Variants in MYLK4 observed in about 807,000 individuals in gnomAD.
MYLK4 encodes the protein myosin light chain kinase family member 4.
MYLK4 carries 46 observed loss-of-function variants against 48.1 expected under a neutral mutation model. The observed-to-expected ratio is 0.96, with a 90% CI of 0.75 to 1.22. The LOEUF is 1.22. Ranked by LOEUF, MYLK4 falls within the 50% of genes most tolerant of loss-of-function variation. The pLI, the probability that MYLK4 is intolerant of heterozygous loss-of-function variation, is 0.00. For synonymous variants in MYLK4, 170 were observed against 180.8 expected, an observed-to-expected ratio of 0.94 and a Z score of 0.48; for missense variants, 451 against 486.1, an observed-to-expected ratio of 0.93 and a Z score of 0.68.
At chr6:2,736,353 C>T (rs556143896) in intron 2 of MYLK4, among the ~76,000 whole-genome samples, 1 of 152,382 alleles carries the variant, frequency 6.6e-6, no homozygotes, top group East Asian at 1.9e-4. Context: ...CTCCCAGGTT[C>T]AAGCAAATCA....
chr6:2,761,429 G>C, the MYLK4 span, among the ~76,000 whole-genome samples: 1 of 152,200 alleles, frequency 6.6e-6, no homozygotes, highest in African/African-American at 2.4e-5. Context: ...AAGAGGAGGG[G>C]TGATTTTTGA....
chr6:2,729,139 A>C (rs1763387653), intron 2 of MYLK4, among the ~76,000 whole-genome samples: 1 of 152,228 alleles, frequency 6.6e-6, no homozygotes, highest in South Asian at 2.1e-4. Flanking sequence ...CACAGTTATG[A>C]CACACACTTC....
At chr6:2,694,334 CT>C (rs146463048) in intron 2 of MYLK4, among the ~76,000 whole-genome samples, 11,523 of 151,410 alleles carry the variant, frequency 0.076, 581 homozygotes, top group East Asian at 0.13. Flanking sequence ...ATCCCCACCC[CT>C]GGTGTCCCTT....
intron 12 of MYLK4, among the ~76,000 whole-genome samples, chr6:2,669,123 G>A (rs1318995215): frequency 6.6e-6 from 1 of 152,118 alleles, no homozygotes; most frequent in Non-Finnish European, 1.5e-5. Flanking sequence ...CATCCAGATT[G>A]TGTGTATCTG....
At chr6:2,767,036 C>G in the MYLK4 span, among the ~76,000 whole-genome samples, 55 of 152,212 alleles carry the variant, frequency 3.6e-4, no homozygotes, top group Non-Finnish European at 5.1e-4. Context: ...AACATAAAAA[C>G]TTTTTCATCT....
At chr6:2,719,222 A>T (rs1762976851) in intron 2 of MYLK4, among the ~76,000 whole-genome samples, 1 of 152,142 alleles carries the variant, frequency 6.6e-6, no homozygotes, top group Non-Finnish European at 1.5e-5. Flanking sequence ...ACACGAAAAA[A>T]CACTCCCGTC....
At chr6:2,734,739 G>C (rs947936401) in intron 2 of MYLK4, among the ~76,000 whole-genome samples, 14 of 152,136 alleles carry the variant, frequency 9.2e-5, no homozygotes, top group African/African-American at 3.1e-4. Flanking sequence ...AACTGCAGTA[G>C]TATGTTACCT....
intron 2 of MYLK4, among the ~76,000 whole-genome samples, chr6:2,723,393 A>G (rs1011997442): frequency 6.6e-6 from 1 of 152,254 alleles, no homozygotes; most frequent in Non-Finnish European, 1.5e-5. Flanking sequence ...TTTGTGAAAC[A>G]TGGGGAAGAG....
intron 2 of MYLK4, among the ~76,000 whole-genome samples, chr6:2,717,625 A>C (rs1762915351): frequency 6.6e-6 from 1 of 152,228 alleles, no homozygotes; most frequent in African/African-American, 2.4e-5. Context: ...GAGATAGTGC[A>C]CTAAGACGCC....
chr6:2,683,117 G>A lies in MYLK4; in HGVS notation c.591C>T (p.Tyr197=). Residue 197 remains tyrosine, a synonymous_variant, in exon 7 of 13, where the codon TAC becomes TAT. Coordinates refer to ENST00000274643, the MANE Select transcript of MYLK4 (RefSeq NM_001012418.5). Reference sequence around the variant, plus strand: ...GGATGGTATCAAGCTCCGTCAAATTGTAGCTCTCATCGATGATGCGGTCAA... The same window carrying A: ...GGATGGTATCAAGCTCCGTCAAATTATAGCTCTCATCGATGATGCGGTCAA... ...ELFDRIIDES[Y]NLTELDTILF... The A allele has an allele frequency of 1.2e-6, 2 of 1,614,090 alleles. No homozygotes were observed. Among genetic ancestry groups the A allele is most frequent in the South Asian group, 1.1e-5 (1 of 91,070 alleles).
At chr6:2,731,157 G>C (rs1179512225) in intron 2 of MYLK4, among the ~76,000 whole-genome samples, 2 of 152,092 alleles carry the variant, frequency 1.3e-5, no homozygotes, top group Non-Finnish European at 2.9e-5. Flanking sequence ...TACAGCAACA[G>C]TAATTTCAGA....
intron 2 of MYLK4, among the ~76,000 whole-genome samples, chr6:2,738,344 A>G (rs1763772473): frequency 6.6e-6 from 1 of 152,374 alleles, no homozygotes; most frequent in Non-Finnish European, 1.5e-5. Flanking sequence ...TACATTGTTT[A>G]ATGAAACAAA....
chr6:2,674,828 G>A (rs566839734), intron 11 of MYLK4, among the ~76,000 whole-genome samples: 1 of 152,276 alleles, frequency 6.6e-6, no homozygotes, highest in East Asian at 1.9e-4. Context: ...CTGAGATCGT[G>A]CCATTGCACT....
chr6:2,694,223 C>T lies in MYLK4; in HGVS notation c.160-1364G>A, dbSNP rs577396435. Among the ~76,000 whole-genome samples the T allele has an allele frequency of 2.0e-4, 31 of 152,174 alleles. No individual in the cohort carries two copies. In the South Asian group the frequency reaches 5.4e-3, roughly 26 times the overall value. ...TTCTCTTTAAGTGAAAGTCCAGAGA[C>T]GGCACTTGCCTACTTTTCCCTCTGC... On this transcript the variant is annotated intron_variant, in intron 2 of 12. Coordinates refer to ENST00000274643, the MANE Select transcript of MYLK4 (RefSeq NM_001012418.5).
chr6:2,708,685 A>G (rs997910370), intron 2 of MYLK4, among the ~76,000 whole-genome samples: 45 of 152,084 alleles, frequency 3.0e-4, no homozygotes, highest in Admixed American at 2.9e-3. Context: ...TTGGCCTATC[A>G]CTTTGTACTC....
the MYLK4 span, among the ~76,000 whole-genome samples, chr6:2,762,490 G>T: frequency 6.6e-6 from 1 of 152,158 alleles, no homozygotes; most frequent in Non-Finnish European, 1.5e-5. Flanking sequence ...TGGGTTAATT[G>T]ATCATGTGGC....
the MYLK4 span, chr6:2,765,424 C>T: frequency 1.1e-5 from 6 of 533,028 alleles, no homozygotes; most frequent in East Asian, 4.5e-5. Flanking sequence ...GAGGCGCTGC[C>T]AGCGGCCGGC....
chr6:2,697,983 G>C (rs1165252990), intron 2 of MYLK4, among the ~76,000 whole-genome samples: 2 of 152,186 alleles, frequency 1.3e-5, no homozygotes, highest in Non-Finnish European at 2.9e-5. Flanking sequence ...CTGCCCTGGG[G>C]GCCATCTCAG....
At chr6:2,719,347 C>A (rs560564374) in intron 2 of MYLK4, among the ~76,000 whole-genome samples, 46 of 152,290 alleles carry the variant, frequency 3.0e-4, no homozygotes, top group African/African-American at 1.1e-3. Context: ...TTTCTGTAAA[C>A]TGGAAGGGTA....
Sources: gnomAD v4.1 joint callset for allele counts (sites outside exome capture counted in the v4.1 genomes callset) on GRCh38, gnomAD v4.1.1 for gene constraint, MANE v1.5 for transcripts, NCBI Gene and HGNC (gene_info 2026-07-23, HGNC 2026-07-21) for gene names.